Variants in LRFN1 observed in about 807,000 individuals in gnomAD.
LRFN1 encodes leucine rich repeat and fibronectin type III domain containing 1, also known as leucine-rich repeat and fibronectin type III domain-containing protein 1.
LRFN1 carries 20 observed loss-of-function variants against 31.8 expected under a neutral mutation model. The ratio of observed to expected loss-of-function variants is 0.63; its 90% CI spans 0.44 to 0.91. The LOEUF is 0.91. Among genes scored for constraint, LRFN1 ranks in the 40% least tolerant of loss-of-function variants. The pLI is 0.00. For missense variants in LRFN1, 912 were observed against 1,129.8 expected, an observed-to-expected ratio of 0.81 and a Z score of 2.76; for synonymous variants, 514 against 541.3, an observed-to-expected ratio of 0.95 and a Z score of 0.70.
In LRFN1 at chr19:39,316,316, G is replaced by C. The variant is rs1253425086; in HGVS notation, c.-92-180C>G. On this transcript the variant is annotated intron_variant, in intron 2 of 4. Coordinates refer to ENST00000248668, the MANE Select transcript of LRFN1 (RefSeq NM_020862.2). ...ATAGAACAGTGCCCTATTATTGAGA[G>C]TAAGTACTTTGAAATCAAACAGACT... Among the ~76,000 whole-genome samples the C allele has an allele frequency of 3.9e-5, 6 of 152,282 alleles. No individual in the cohort carries two copies. In the South Asian group the frequency reaches 1.2e-3, roughly 32 times the overall value.
intron 4 of LRFN1, among the ~76,000 whole-genome samples, chr19:39,309,478 CA>C (rs71169583): frequency 0.03 from 945 of 31,986 alleles, 5 homozygotes; most frequent in Middle Eastern, 0.045. Context: ...ACAAACAAAC[CA>C]AAAAAAAAAA....
intron 1 of LRFN1, among the ~76,000 whole-genome samples, 184 bp from the exon 2 acceptor site, chr19:39,318,542 C>T (rs183794056): frequency 1.3e-5 from 2 of 152,238 alleles, no homozygotes; most frequent in African/African-American, 4.8e-5. Context: ...TAGATTAGGC[C>T]TCAGGGTTGT....
In LRFN1 at chr19:39,308,026, A is replaced by ACCT; in HGVS notation, c.1922_1923insAGG (p.Arg641_Ser642insGly). On this transcript the variant is annotated inframe_insertion, in exon 5 of 5. Transcript: ENST00000248668. The surrounding 1 kb of genome is among the most constrained non-coding windows in gnomAD (Gnocchi z 6.2). ...GCGAGGTGGCCGAGCCGCCCAGAGA[A>ACCT]CGTCCAAGGACCACCTCCGGCTCCG... The ACCT allele has an allele frequency of 6.4e-7, 1 of 1,551,032 alleles. No homozygotes were observed. The highest frequency in any genetic ancestry group is 1.2e-5 in the South Asian group (1 of 86,342).
intron 1 of LRFN1, among the ~76,000 whole-genome samples, 191 bp from the exon 2 acceptor site, chr19:39,318,549 T>C (rs906515403): frequency 7.9e-5 from 12 of 151,970 alleles, no homozygotes; most frequent in African/African-American, 2.4e-4. Flanking sequence ...GGCCTCAGGG[T>C]TGTTCACCCT....
Position 39,308,102 on chromosome 19 carries a change from G to A in LRFN1, c.1847C>T (p.Ala616Val), listed in dbSNP as rs1416137695. 1.3e-6 allele frequency: 2 copies of A among 1,497,124 alleles called. No individual in the cohort carries two copies. Among genetic ancestry groups the A allele is most frequent in the African/African-American group, 2.9e-5 (2 of 70,112 alleles). The allele number at this position is 1,497,124 out of a possible 1,614,324, so 92.7% of individuals were successfully genotyped here. The change falls in exon 5 of 5, where the codon GCC becomes GTC. Residue 616 changes from alanine (A) to valine (V), a missense_variant. Around this residue, in one of 2 missense-constraint regions of LRFN1, gnomAD observed 511 missense variants for 557.0 expected, o/e 0.92. Transcript: ENST00000248668. The surrounding 1 kb of genome is among the most constrained non-coding windows in gnomAD (Gnocchi z 6.2). Reference sequence around the variant, plus strand: ...CTTGGCCTCGACGGCGACGGCGGGGGCAGCCTGGGACTCCACCTCGCGCAG... The same window carrying A: ...CTTGGCCTCGACGGCGACGGCGGGGACAGCCTGGGACTCCACCTCGCGCAG... Reference protein sequence around the residue: ...EALREVESQAAPAVAVEAKAM... With the variant: ...EALREVESQAVPAVAVEAKAM...
chr19:39,315,028 C>T lies in LRFN1; in HGVS notation c.309G>A (p.Gln103=), dbSNP rs749052002. The T allele has an allele frequency of 8.2e-6, 13 of 1,594,726 alleles. No individual in the cohort carries two copies. The highest frequency in any genetic ancestry group is 1.1e-5 in the Non-Finnish European group (13 of 1,177,688). The part of the protein sequence containing the change: ...HLTLSRNTIG[Q]VAAGAFADLR... ...GGTCGGCGAAGGCGCCAGCTGCCAC[C>T]TGGCCGATGGTGTTCCGGGAGAGAG... is the stretch of plus-strand genomic sequence containing the variant. The change falls in exon 4 of 5, where the codon CAG becomes CAA. Residue 103 remains glutamine (Q), a synonymous_variant. Coordinates refer to ENST00000248668, the MANE Select transcript of LRFN1 (RefSeq NM_020862.2). This position sits in a 1 kb window ranked among gnomAD's most constrained non-coding sequence, Gnocchi z 4.7.
chr19:39,314,760 G>T lies in LRFN1; in HGVS notation c.577C>A (p.Leu193Met). 1 of 1,613,112 alleles carries T rather than the reference G, an allele frequency of 6.2e-7. No individual in the cohort carries two copies. The highest frequency in any genetic ancestry group is 8.5e-7 in the Non-Finnish European group (1 of 1,179,528). The change falls in exon 4 of 5, where the codon CTG becomes ATG. Residue 193 changes from leucine to methionine, a missense_variant. Physicochemically the swap from Leu to Met is conservative, Grantham distance 15. Around this residue, in one of 2 missense-constraint regions of LRFN1, gnomAD observed 401 missense variants for 572.7 expected, o/e 0.70. Coordinates refer to ENST00000248668, the MANE Select transcript of LRFN1 (RefSeq NM_020862.2). ...GQMVNLNTLT[L>M]DHNLIDHIAE... is the part of the protein sequence containing the mutation. ...ATGTGGTCGATGAGGTTGTGGTCCA[G>T]CGTGAGGGTGTTTAGGTTCACCATC...
Position 39,307,821 on chromosome 19 carries a change from A to G in LRFN1, c.2128T>C (p.Tyr710His), listed in dbSNP as rs1441248012. Residue 710 changes from tyrosine (Y) to histidine (H), a missense_variant, in exon 5 of 5, where the codon TAC becomes CAC. Physicochemically the swap from Tyr to His is moderately conservative, Grantham distance 83. Transcript: ENST00000248668. This position sits in a 1 kb window ranked among gnomAD's most constrained non-coding sequence, Gnocchi z 6.7. ...PQQRYSFDGD[Y>H]GALFQSHSYP... is the part of the protein sequence containing the mutation. The stretch of plus-strand genomic sequence containing the variant: ...CTGTGGCTCTGGAATAGTGCCCCGT[A>G]GTCCCCGTCGAACGAATAGCGCTGC... 1.3e-6 allele frequency: 2 copies of G among 1,493,010 alleles called. No individual in the cohort carries two copies. The highest frequency in any genetic ancestry group is 1.5e-5 in the African/African-American group (1 of 68,476). 92.5% of individuals were successfully genotyped at this position (1,493,010 alleles called of 1,614,324 possible). A position where few individuals can be genotyped will look rare whatever the true frequency, so the allele number is the denominator to read the frequency against.
chr19:39,314,275 CG>C lies in LRFN1; in HGVS notation c.1061del (p.Thr354SerfsTer4). On this transcript the variant is annotated frameshift_variant, in exon 4 of 5. Coordinates refer to ENST00000248668, the MANE Select transcript of LRFN1 (RefSeq NM_020862.2). LOFTEE classifies it high-confidence loss of function. ...TCAAGGTGGTGATGGTCACATCCAG[CG>C]TCCCGTCCCCCCGGACCCGGGTCCG... ...SSRTRVRGDG[T>X]LDVTITTLRD... is the part of the protein sequence containing the mutation. The C allele has an allele frequency of 1.2e-6, 2 of 1,612,674 alleles. No individual in the cohort carries two copies. The highest frequency in any genetic ancestry group is 1.7e-6 in the Non-Finnish European group (2 of 1,179,500).
chr19:39,316,798 G>T (rs994007899), intron 2 of LRFN1, among the ~76,000 whole-genome samples: 2 of 152,234 alleles, frequency 1.3e-5, no homozygotes, highest in South Asian at 2.1e-4. Flanking sequence ...TGCAGCCCAC[G>T]ACATGTCAGT....
rs1179505850 is a variant in LRFN1, at chr19:39,314,490, C to T, written c.847G>A (p.Asp283Asn). Residue 283 changes from aspartate (D) to asparagine (N), a missense_variant, in exon 4 of 5, where the codon GAC (aspartate) becomes AAC (asparagine). By Grantham distance (23) the Asp-to-Asn change is conservative. This residue lies in a region of LRFN1 where 401 missense variants were observed against 572.7 expected (regional missense o/e 0.70). Transcript: ENST00000248668. ...ETCATPEHLTDRYFWSIPEEE... is the reference protein window; with the variant it reads ...ETCATPEHLTNRYFWSIPEEE... The stretch of plus-strand genomic sequence containing the variant: ...TCGGGGATGGACCAGAAGTAGCGGT[C>T]GGTGAGGTGTTCGGGCGTGGCGCAG... The T allele has an allele frequency of 3.7e-6, 6 of 1,610,402 alleles. No homozygotes were observed. Among genetic ancestry groups the T allele is most frequent in the African/African-American group, 2.7e-5 (2 of 74,886 alleles).
At chr19:39,313,514 A>G (rs1334701976) in intron 4 of LRFN1, among the ~76,000 whole-genome samples, 2 of 152,226 alleles carry the variant, frequency 1.3e-5, no homozygotes, top group African/African-American at 4.8e-5. Flanking sequence ...CCTGGGCAAT[A>G]GAGTAAGGCT....
At chr19:39,313,075 A>T (rs1600483487) in intron 4 of LRFN1, among the ~76,000 whole-genome samples, 1 of 152,156 alleles carries the variant, frequency 6.6e-6, no homozygotes, top group South Asian at 2.1e-4. Context: ...CTCTTTTTTT[A>T]AAATGTCTGT....
At chr19:39,319,691 C>A (rs1211268578) in intron 1 of LRFN1, among the ~76,000 whole-genome samples, 3 of 152,144 alleles carry the variant, frequency 2.0e-5, no homozygotes, top group Non-Finnish European at 4.4e-5. Flanking sequence ...TCCTCCCAGC[C>A]CTGAGGCACC....
chr19:39,311,699 TG>T (rs2075150878), intron 4 of LRFN1, among the ~76,000 whole-genome samples: 1 of 152,092 alleles, frequency 6.6e-6, no homozygotes, highest in African/African-American at 2.4e-5. Context: ...TGTGAAGGTT[TG>T]TGTTTTGTTC....
chr19:39,308,360 T>C lies in LRFN1; in HGVS notation c.1589A>G (p.His530Arg), dbSNP rs1237534209. 4 of 1,612,336 alleles carry C rather than the reference T, an allele frequency of 2.5e-6. No homozygotes were observed. The African/African-American group carries it at 4.0e-5, about 16-fold the overall frequency. The change falls in exon 5 of 5, where the codon CAT (histidine) becomes CGT (arginine). Residue 530 changes from histidine to arginine, a missense_variant. His to Arg is a conservative substitution (Grantham distance 29). Coordinates refer to ENST00000248668, the MANE Select transcript of LRFN1 (RefSeq NM_020862.2). This position sits in a 1 kb window ranked among gnomAD's most constrained non-coding sequence, Gnocchi z 6.2. ...GATGATCATGGTGCCGCCCAAGAAATGGGCCCTCAGCGGGCGGCAGGGCGC... is the reference window on the plus strand; with the variant it reads ...GATGATCATGGTGCCGCCCAAGAAACGGGCCCTCAGCGGGCGGCAGGGCGC... ...DPAPCRPLRA[H>R]FLGGTMIIAI...
At position 39,313,587 on chromosome 19, in the gene LRFN1, A is replaced by G. The variant is rs1297955849; in HGVS notation, c.1406+344T>C. On this transcript the variant is annotated intron_variant, in intron 4 of 4. Coordinates refer to ENST00000248668, the MANE Select transcript of LRFN1 (RefSeq NM_020862.2). ...AATGTGTGTGTGTGTTTCATGCTCC[A>G]AAATGTTTAACTGAAGAGGTGCACA... Among the ~76,000 whole-genome samples the G allele has an allele frequency of 3.3e-5, 5 of 152,310 alleles. No individual in the cohort carries two copies. In the East Asian group the frequency reaches 9.6e-4, roughly 29 times the overall value.
chr19:39,310,519 C>G (rs2075146930), intron 4 of LRFN1, among the ~76,000 whole-genome samples: 1 of 152,216 alleles, frequency 6.6e-6, no homozygotes, highest in Non-Finnish European at 1.5e-5. Context: ...GGCCTTGGCC[C>G]TCTTCTGTTG....
Position 39,314,546 on chromosome 19 carries a change from C to G in LRFN1, c.791G>C (p.Arg264Pro). The G allele has an allele frequency of 1.2e-6, 2 of 1,610,004 alleles. No individual in the cohort carries two copies. Among genetic ancestry groups the G allele is most frequent in the Non-Finnish European group, 1.7e-6 (2 of 1,178,756 alleles). Residue 264 changes from arginine to proline, a missense_variant, in exon 4 of 5, where the codon CGG becomes CCG. Transcript: ENST00000248668. ...TAAGTCGTCCTCGCGGGTCAGCCGCCGCAGCCAGAGCAGCTCGCAGTTGCA... is the reference window on the plus strand; with the variant it reads ...TAAGTCGTCCTCGCGGGTCAGCCGCGGCAGCCAGAGCAGCTCGCAGTTGCA... The part of the protein sequence containing the change: ...LHCNCELLWL[R>P]RLTREDDLET...
Sources: allele counts gnomAD v4.1 joint callset (sites outside exome capture counted in the v4.1 genomes callset), GRCh38; gene constraint gnomAD v4.1.1; regional missense constraint gnomAD v4.1.1; non-coding constraint Gnocchi (gnomAD v3.1); transcripts MANE v1.5; gene names NCBI Gene and HGNC (gene_info 2026-07-23, HGNC 2026-07-21).